SLC38A8: variants seen among roughly 807,000 people sequenced by gnomAD.
The protein encoded by SLC38A8 is solute carrier family 38 member 8.
Under a neutral mutation model 46.0 loss-of-function variants are expected in SLC38A8, and 65 were observed. That is an observed-to-expected ratio of 1.41 (90% confidence interval 1.16 to 1.74). SLC38A8 has a LOEUF of 1.74. SLC38A8 is among the 40% of genes most tolerant of loss of function. The pLI, the probability that SLC38A8 is intolerant of heterozygous loss-of-function variation, is 0.00. For missense variants in SLC38A8, 998 were observed against 567.9 expected (o/e 1.76, Z -7.70); for synonymous variants, 447 against 243.7 (o/e 1.83, Z -7.77).
At chr16:84,029,618 T>A in intron 5 of SLC38A8, 67 bp from the exon 6 acceptor site, 2 of 1,490,496 alleles carry the variant, frequency 1.3e-6, no homozygotes, top group Non-Finnish European at 1.9e-6. Flanking sequence ...GCGGCTGCAA[T>A]GGTGAATTTT....
At chr16:84,034,200 C>T (rs2085277297) in intron 3 of SLC38A8, among the ~76,000 whole-genome samples, 1 of 152,216 alleles carries the variant, frequency 6.6e-6, no homozygotes, top group South Asian at 2.1e-4. Context: ...GCTGGGGGAC[C>T]CCAGAGACTG....
chr16:84,025,300 C>T (rs980639934), intron 6 of SLC38A8, among the ~76,000 whole-genome samples: 6 of 152,250 alleles, frequency 3.9e-5, no homozygotes, highest in South Asian at 4.1e-4. Flanking sequence ...AGGGACCCTA[C>T]GCAGGAAGCT....
chr16:84,037,754 G>A (rs1267034828), intron 2 of SLC38A8, among the ~76,000 whole-genome samples: 4 of 129,134 alleles, frequency 3.1e-5, no homozygotes, highest in African/African-American at 9.2e-5. Context: ...CAGAGAGACT[G>A]CCTCCGAAAA....
intron 4 of SLC38A8, among the ~76,000 whole-genome samples, chr16:84,032,836 C>G (rs143051204): frequency 0.013 from 1,954 of 152,154 alleles, 30 homozygotes; most frequent in African/African-American, 0.043. Context: ...AAAACAACCT[C>G]TGTGTGTGTG....
intron 9 of SLC38A8, among the ~76,000 whole-genome samples, chr16:84,013,922 T>G (rs1307349640): frequency 6.6e-6 from 1 of 152,114 alleles, no homozygotes; most frequent in Non-Finnish European, 1.5e-5. Flanking sequence ...CCAGGGAGTG[T>G]GAGGGAGGAG....
At chr16:84,041,920 C>A (rs943058715) in intron 2 of SLC38A8, 49 bp downstream of exon 2, 2 of 1,507,472 alleles carry the variant, frequency 1.3e-6, no homozygotes, top group African/African-American at 2.8e-5. Context: ...CCCAGAAAAG[C>A]CAAAGCCACC....
upstream of SLC38A8, among the ~76,000 whole-genome samples, chr16:84,043,337 G>A (rs1037088635): frequency 3.9e-5 from 6 of 152,130 alleles, no homozygotes; most frequent in East Asian, 1.9e-4. Flanking sequence ...GCTCAGATCC[G>A]GAATTTGACT....
In SLC38A8 at chr16:84,016,697, G is replaced by C; in HGVS notation, c.984C>G (p.Ser328Arg). 6.2e-7 allele frequency: 1 copy of C among 1,613,176 alleles called. No homozygotes were observed. Among genetic ancestry groups the C allele is most frequent in the Non-Finnish European group, 8.5e-7 (1 of 1,179,932 alleles). ...CGCTGGGCCCCCATCCCCCCAAGCAGCTCCTCCTCCAGAAGTCCTGCATCA... is the reference window on the plus strand; with the variant it reads ...CGCTGGGCCCCCATCCCCCCAAGCACCTCCTCCTCCAGAAGTCCTGCATCA... ...RSVMQDFWRR[S>R]CLGGWGPSAL... The change falls in exon 9 of 11, where the codon AGC becomes AGG. Residue 328 changes from serine to arginine, a missense_variant. Coordinates refer to ENST00000299709, the MANE Select transcript of SLC38A8 (RefSeq NM_001080442.3).
chr16:84,036,799 G>T lies in SLC38A8; in HGVS notation c.291C>A (p.Gly97=). ...TYQGVVRGLC[G]PAIGKLCEAC... ...CCTCACACAGCTTCCCAATGGCAGG[G>T]CCACACAGCCCCCTGACCACACCCT... The change falls in exon 3 of 11, where the codon GGC becomes GGA. Residue 97 remains glycine (G), a synonymous_variant. Coordinates refer to ENST00000299709, the MANE Select transcript of SLC38A8 (RefSeq NM_001080442.3). 6.2e-7 allele frequency: 1 copy of T among 1,614,148 alleles called. No homozygotes were observed. Among genetic ancestry groups the T allele is most frequent in the Non-Finnish European group, 8.5e-7 (1 of 1,180,030 alleles).
At chr16:84,022,313 C>T (rs1180522127) in intron 7 of SLC38A8, among the ~76,000 whole-genome samples, 3 of 152,196 alleles carry the variant, frequency 2.0e-5, no homozygotes, top group South Asian at 4.1e-4. Flanking sequence ...GTGTCACAGC[C>T]CCTCTCTGAG....
intron 6 of SLC38A8, among the ~76,000 whole-genome samples, chr16:84,028,868 G>T (rs2085200920): frequency 6.6e-6 from 1 of 152,116 alleles, no homozygotes; most frequent in East Asian, 1.9e-4. Context: ...CATCCTTCAA[G>T]ATCCCTTTCA....
intron 7 of SLC38A8, among the ~76,000 whole-genome samples, chr16:84,021,516 C>T (rs896759103): frequency 6.6e-6 from 1 of 152,202 alleles, no homozygotes; most frequent in African/African-American, 2.4e-5. Context: ...TCAGAACAGA[C>T]TTTACTATCC....
At chr16:84,019,388 C>A (rs1221994247) in intron 7 of SLC38A8, among the ~76,000 whole-genome samples, 3 of 152,090 alleles carry the variant, frequency 2.0e-5, no homozygotes, top group East Asian at 3.9e-4. Context: ...ATATTTTTAA[C>A]CCGAAATAAT....
chr16:84,014,980 A>G (rs2085007945), intron 9 of SLC38A8, among the ~76,000 whole-genome samples: 1 of 152,124 alleles, frequency 6.6e-6, no homozygotes, highest in African/African-American at 2.4e-5. Flanking sequence ...GACCTGTAAG[A>G]GCCTCTACCT....
rs974488018 is a variant in SLC38A8 at position 84,012,882 on chromosome 16, G to T, written c.1214+119C>A. 3.7e-6 allele frequency: 4 copies of T among 1,094,116 alleles called. No individual in the cohort carries two copies. In the African/African-American group the frequency reaches 4.7e-5, roughly 13 times the overall value. The allele number at this position is 1,094,116 out of a possible 1,614,324, so 67.8% of individuals were successfully genotyped here. On this transcript the variant is annotated intron_variant, in intron 10 of 10. Coordinates refer to ENST00000299709, the MANE Select transcript of SLC38A8 (RefSeq NM_001080442.3). Reference sequence around the variant, plus strand: ...GACAGAGACTCTCTTCCTGTGGCTCGCAGGTTTCTCACCTGCAGGATGCAG... The same window carrying T: ...GACAGAGACTCTCTTCCTGTGGCTCTCAGGTTTCTCACCTGCAGGATGCAG...
At chr16:84,037,259 G>A (rs1355060787) in intron 2 of SLC38A8, among the ~76,000 whole-genome samples, 2 of 152,364 alleles carry the variant, frequency 1.3e-5, no homozygotes, top group African/African-American at 2.4e-5. Context: ...AGTAGGCGTG[G>A]TGGCTTGGAA....
At chr16:84,015,969 G>A (rs1005819133) in intron 9 of SLC38A8, among the ~76,000 whole-genome samples, 4 of 152,236 alleles carry the variant, frequency 2.6e-5, no homozygotes, top group African/African-American at 7.2e-5. Flanking sequence ...GTGAGCCACT[G>A]TGCCCAGCCA....
intron 2 of SLC38A8, among the ~76,000 whole-genome samples, chr16:84,038,250 G>C (rs1295135468): frequency 6.6e-6 from 1 of 151,966 alleles, no homozygotes; most frequent in African/African-American, 2.4e-5. Flanking sequence ...GGCGGAAGTT[G>C]CAGTAAGCTG....
chr16:84,009,764 T>A lies in SLC38A8; in HGVS notation c.*20A>T. Reference sequence around the variant, plus strand: ...GGTCAGCCCCCGGAGGGCCCCTTCCTGCCCGGCACTAGCTGCCCATCAGAA... The same window carrying A: ...GGTCAGCCCCCGGAGGGCCCCTTCCAGCCCGGCACTAGCTGCCCATCAGAA... On this transcript the variant is annotated 3_prime_UTR_variant, in exon 11 of 11. Transcript: ENST00000299709. The A allele has an allele frequency of 1.2e-6, 2 of 1,608,958 alleles. No homozygotes were observed. The highest frequency in any genetic ancestry group is 1.7e-6 in the Non-Finnish European group (2 of 1,177,890).
Sources: allele counts gnomAD v4.1 joint callset (sites outside exome capture counted in the v4.1 genomes callset), GRCh38; gene constraint gnomAD v4.1.1; transcripts MANE v1.5; gene names NCBI Gene and HGNC (gene_info 2026-07-23, HGNC 2026-07-21).